CENPP: variants seen among roughly 807,000 people sequenced by gnomAD.
CENPP encodes centromere protein P.
Under a neutral mutation model 35.6 loss-of-function variants are expected in CENPP, and 24 were observed. The observed-to-expected ratio is 0.67, with a 90% confidence interval of 0.49 to 0.95. CENPP has a LOEUF of 0.95. Ranked by LOEUF, CENPP falls within the 40% of genes least tolerant of loss-of-function variation. The pLI is 0.00. For synonymous variants in CENPP, 120 were observed against 125.5 expected (o/e 0.96, Z 0.29); for missense variants, 332 against 345.3 (o/e 0.96, Z 0.31).
chr9:92,533,318 AAAAAAAAAAAATATATATATATATAT>A (rs1563991323), intron 5 of CENPP, among the ~76,000 whole-genome samples: 1 of 94,838 alleles, frequency 1.1e-5, no homozygotes, highest in Non-Finnish European at 2.0e-5. Context: ...AAAAAAAAAA[AAAAAAAAAAAATATATATATATATAT>A]ATATATATAT....
At chr9:92,511,166 C>T (rs542010878) in intron 5 of CENPP, among the ~76,000 whole-genome samples, 109 of 152,310 alleles carry the variant, frequency 7.2e-4, no homozygotes, top group Admixed American at 2.0e-3. Flanking sequence ...TCCTCTGTCG[C>T]CCAGGCTGGA....
intron 5 of CENPP, chr9:92,416,759 T>C: frequency 1.2e-6 from 2 of 1,613,848 alleles, no homozygotes. Flanking sequence ...TTGTAGTTTG[T>C]TGTGTGACAT....
intron 5 of CENPP, among the ~76,000 whole-genome samples, chr9:92,572,539 G>A (rs1296134733): frequency 3.3e-5 from 5 of 152,148 alleles, no homozygotes; most frequent in East Asian, 1.9e-4. Context: ...CTTCATTTCA[G>A]CTTTGGTGAA....
rs1851533721 is a variant in CENPP at position 92,618,922 on chromosome 9, C to G, written c.*5773C>G. On this transcript the variant is annotated 3_prime_UTR_variant, in exon 8 of 8. Transcript: ENST00000375587. ...TGAAGATCGGTGATGGAGATGCTGT[C>G]TAACGACTATGAGATTATCAGTTTC... The G allele has an allele frequency of 6.6e-6, 2 of 304,916 alleles. No individual in the cohort carries two copies. The highest frequency in any genetic ancestry group is 1.3e-5 in the Non-Finnish European group (2 of 156,874). The allele number at this position is 304,916 out of a possible 1,614,324, so 18.9% of individuals were successfully genotyped here.
Position 92,532,029 on chromosome 9 carries a change from A to ATTTTTTTTTTTTTTTTTTTT in CENPP, c.565-79281_565-79280insTTTTTTTTTTTTTTTTTTTT, listed in dbSNP as rs201461115. 2.5e-4 allele frequency among the ~76,000 whole-genome samples: 23 copies of ATTTTTTTTTTTTTTTTTTTT among 91,034 alleles called. 1 individual carries two copies. Among genetic ancestry groups the ATTTTTTTTTTTTTTTTTTTT allele is most frequent in the African/African-American group, 5.5e-4 (11 of 19,874 alleles). The allele number at this position is 91,034 out of a possible 152,430, so 59.7% of individuals were successfully genotyped here. ...TTTTATTTAATGTTTTTTTTTTTTT[A>ATTTTTTTTTTTTTTTTTTTT]TTTTATTTTTTTTTTGAGATGAGGT... On this transcript the variant is annotated intron_variant, in intron 5 of 7. Coordinates refer to ENST00000375587, the MANE Select transcript of CENPP (RefSeq NM_001012267.3).
In CENPP at chr9:92,617,142, A is replaced by G. The variant is rs1851466591; in HGVS notation, c.*3993A>G. On this transcript the variant is annotated 3_prime_UTR_variant, in exon 8 of 8. Transcript: ENST00000375587. ...AATAACTCATTTACAAATTAAGGTC[A>G]TGAGTCTCGCTCCAGAAGCTGGAGT... 6.6e-6 allele frequency: 1 copy of G among 152,210 alleles called. No homozygotes were observed. The highest frequency in any genetic ancestry group is 2.4e-5 in the African/African-American group (1 of 41,452). 9.4% of individuals were successfully genotyped at this position (152,210 alleles called of 1,614,324 possible).
At chr9:92,442,583 C>T (rs896963584) in intron 5 of CENPP, among the ~76,000 whole-genome samples, 7 of 152,034 alleles carry the variant, frequency 4.6e-5, no homozygotes, top group African/African-American at 1.2e-4. Flanking sequence ...GGCACAGTGG[C>T]TCACGCCTGT....
intron 5 of CENPP, among the ~76,000 whole-genome samples, chr9:92,483,233 T>C (rs1258840467): frequency 7.2e-6 from 1 of 138,906 alleles, no homozygotes; most frequent in Non-Finnish European, 1.5e-5. Context: ...GACAGTTTTC[T>C]TTTTTTTTTT....
At chr9:92,576,656 G>A (rs377549873) in intron 5 of CENPP, among the ~76,000 whole-genome samples, 1 of 151,976 alleles carries the variant, frequency 6.6e-6, no homozygotes, top group Non-Finnish European at 1.5e-5. Flanking sequence ...AATAATAATT[G>A]TTATATATAA....
chr9:92,544,189 T>C (rs1318398672), intron 5 of CENPP, among the ~76,000 whole-genome samples: 1 of 152,240 alleles, frequency 6.6e-6, no homozygotes, highest in East Asian at 1.9e-4. Flanking sequence ...AAATGATCTT[T>C]ATTGGGCTGG....
At chr9:92,427,779 CTATT>C (rs1844006466) in intron 5 of CENPP, among the ~76,000 whole-genome samples, 3 of 152,158 alleles carry the variant, frequency 2.0e-5, no homozygotes, top group African/African-American at 7.2e-5. Context: ...CATGCCCTGA[CTATT>C]AATTAATCTT....
At chr9:92,405,317 C>T (rs2130938159) in intron 5 of CENPP, among the ~76,000 whole-genome samples, 1 of 152,016 alleles carries the variant, frequency 6.6e-6, no homozygotes, top group South Asian at 2.1e-4. Flanking sequence ...TAAAAAATTC[C>T]TCCTTGGTGC....
chr9:92,392,980 G>A (rs1842747355), intron 5 of CENPP: 1 of 840,312 alleles, frequency 1.2e-6, no homozygotes, highest in Admixed American at 2.9e-5. Context: ...TGTACTTCAA[G>A]TGACAAACCT....
At chr9:92,401,269 G>A (rs961948951) in intron 5 of CENPP, 35 of 651,338 alleles carry the variant, frequency 5.4e-5, no homozygotes, top group South Asian at 3.3e-4. Flanking sequence ...ACACCTTCTC[G>A]TAGTTACAAT....
At chr9:92,485,748 C>T (rs1846040206) in intron 5 of CENPP, among the ~76,000 whole-genome samples, 1 of 152,130 alleles carries the variant, frequency 6.6e-6, no homozygotes, top group African/African-American at 2.4e-5. Flanking sequence ...ACAATCATAC[C>T]TCAAACTCCT....
chr9:92,470,071 C>T (rs757441158), intron 5 of CENPP, among the ~76,000 whole-genome samples: 2 of 152,116 alleles, frequency 1.3e-5, no homozygotes, highest in African/African-American at 4.8e-5. Context: ...TCAAGTGATC[C>T]GCCCGCCTTG....
chr9:92,475,419 A>T (rs960440585), intron 5 of CENPP, among the ~76,000 whole-genome samples: 1 of 152,224 alleles, frequency 6.6e-6, no homozygotes, highest in Non-Finnish European at 1.5e-5. Context: ...CCTGGCAGGA[A>T]TATACCTGAT....
chr9:92,359,057 C>T (rs564355734), intron 4 of CENPP, among the ~76,000 whole-genome samples: 2 of 149,546 alleles, frequency 1.3e-5, no homozygotes, highest in African/African-American at 2.5e-5. Context: ...TCAAGCGATT[C>T]TCCTGCCTCA....
rs770052707 is a variant in CENPP, at chr9:92,460,474, CT to C, written c.564+80618del. 5.7e-6 allele frequency: 9 copies of C among 1,578,000 alleles called. No homozygotes were observed. In the South Asian group the frequency reaches 1.0e-4, roughly 18 times the overall value. ...AAGTTAAAATTTTGGGAACGTTTAC[CT>C]TTGTAGTTCTTTGTATCGTTTAAAA... is the stretch of plus-strand genomic sequence containing the variant. On this transcript the variant is annotated intron_variant, in intron 5 of 7. Coordinates refer to ENST00000375587, the MANE Select transcript of CENPP (RefSeq NM_001012267.3).
Sources: allele counts gnomAD v4.1 joint callset (sites outside exome capture counted in the v4.1 genomes callset), GRCh38; gene constraint gnomAD v4.1.1; transcripts MANE v1.5; gene names NCBI Gene and HGNC (gene_info 2026-07-23, HGNC 2026-07-21).